DPYS: variants seen among roughly 807,000 people sequenced by gnomAD.
DPYS encodes the protein dihydropyrimidinase.
Under a neutral mutation model 50.3 loss-of-function variants are expected in DPYS, and 39 were observed. That is an observed-to-expected ratio of 0.78 (90% CI 0.60 to 1.01). The LOEUF is 1.01. Ranked by LOEUF, DPYS falls within the 50% of genes least tolerant of loss-of-function variation. The probability of loss-of-function intolerance (pLI) is 0.00; values close to 1 mark genes in which losing one functional copy is unlikely to be tolerated. For synonymous variants in DPYS, 245 were observed against 250.7 expected (o/e 0.98, Z 0.22); for missense variants, 659 against 680.9 (o/e 0.97, Z 0.36).
Position 104,440,614 on chromosome 8 carries a change from C to G in DPYS, c.793+3634G>C, listed in dbSNP as rs148649043. Among the ~76,000 whole-genome samples the G allele has an allele frequency of 6.6e-5, 10 of 152,184 alleles. No homozygotes were observed. In the East Asian group the frequency reaches 1.9e-3, roughly 29 times the overall value. On this transcript the variant is annotated intron_variant, in intron 4 of 9. Coordinates refer to ENST00000351513, the MANE Select transcript of DPYS (RefSeq NM_001385.3). ...TCTACTAAAAATACAAAAAAATTAG[C>G]TGGGCATAGTAGTGGGAGCCTGTAA...
intron 5 of DPYS, 65 bp downstream of exon 5, chr8:104,429,480 C>T (rs992320343): frequency 5.6e-5 from 90 of 1,606,618 alleles, no homozygotes; most frequent in Admixed American, 8.3e-5. Context: ...GATGGGAGGA[C>T]GAGCTCCCTT....
At chr8:104,406,055 C>G (rs556980702) in intron 7 of DPYS, among the ~76,000 whole-genome samples, 6 of 152,182 alleles carry the variant, frequency 3.9e-5, no homozygotes, top group Non-Finnish European at 8.8e-5. Context: ...AGTAACTCCC[C>G]CTGGGTTACA....
intron 7 of DPYS, chr8:104,411,722 C>T (rs2140574461): frequency 6.6e-6 from 1 of 152,288 alleles, no homozygotes; most frequent in East Asian, 1.9e-4. Context: ...CAGCAATACC[C>T]CTCATGGGAG....
At position 104,424,293 on chromosome 8, in the gene DPYS, C is replaced by T. The variant is rs141867641; in HGVS notation, c.1189G>A (p.Val397Ile). 4 of 1,614,050 alleles carry T rather than the reference C, an allele frequency of 2.5e-6. No homozygotes were observed. The highest frequency in any genetic ancestry group is 3.4e-6 in the Non-Finnish European group (4 of 1,180,018). ...ATAACAATGTCAGCATCTGATCCTACAGCTATTCTTCCTTTTCTTGGATAG... is the reference window on the plus strand; with the variant it reads ...ATAACAATGTCAGCATCTGATCCTATAGCTATTCTTCCTTTTCTTGGATAG... ...NLYPRKGRIA[V>I]GSDADIVIWD... Residue 397 changes from valine (V) to isoleucine (I), a missense_variant, in exon 7 of 10, where the codon GTA (valine) becomes ATA (isoleucine). Val to Ile is a conservative substitution (Grantham distance 29). Coordinates refer to ENST00000351513, the MANE Select transcript of DPYS (RefSeq NM_001385.3).
intron 4 of DPYS, among the ~76,000 whole-genome samples, chr8:104,433,046 A>G (rs1340042396): frequency 2.0e-5 from 3 of 152,206 alleles, no homozygotes; most frequent in Non-Finnish European, 2.9e-5. Flanking sequence ...ATTTGGACAC[A>G]TAGAGGGGAA....
chr8:104,441,755 T>A (rs1295858814), intron 4 of DPYS, among the ~76,000 whole-genome samples: 2 of 152,324 alleles, frequency 1.3e-5, no homozygotes, highest in Non-Finnish European at 2.9e-5. Context: ...CAAATTGAAA[T>A]GGCATATGCG....
At chr8:104,419,662 A>G (rs934931989) in intron 7 of DPYS, 2 of 151,790 alleles carry the variant, frequency 1.3e-5, no homozygotes, top group African/African-American at 4.9e-5. Context: ...CCCGAAGCTT[A>G]TAATTAGAAA....
intron 7 of DPYS, among the ~76,000 whole-genome samples, chr8:104,395,429 C>T (rs1258122730): frequency 6.6e-6 from 1 of 152,180 alleles, no homozygotes; most frequent in Non-Finnish European, 1.5e-5. Context: ...AACAGTGATA[C>T]CACTACCCTA....
chr8:104,424,161 G>A (rs761864872), intron 7 of DPYS, 86 bp downstream of exon 7: 119 of 1,604,732 alleles, frequency 7.4e-5, no homozygotes, highest in Non-Finnish European at 9.8e-5. Context: ...AGGAGAAGCG[G>A]CTGATTAATG....
At chr8:104,413,039 T>C (rs1163852767) in intron 7 of DPYS, among the ~76,000 whole-genome samples, 1 of 152,116 alleles carries the variant, frequency 6.6e-6, no homozygotes, top group Non-Finnish European at 1.5e-5. Context: ...GCATTTCATA[T>C]AAAACAAACC....
intron 7 of DPYS, among the ~76,000 whole-genome samples, chr8:104,408,276 A>T: frequency 6.6e-6 from 1 of 152,252 alleles, no homozygotes; most frequent in East Asian, 1.9e-4. Context: ...TAACTGTAGC[A>T]TTTATTTCTC....
intron 4 of DPYS, among the ~76,000 whole-genome samples, chr8:104,436,884 G>A (rs1429362015): frequency 6.6e-6 from 1 of 151,788 alleles, no homozygotes; most frequent in Non-Finnish European, 1.5e-5. Flanking sequence ...TAAAAAGAAA[G>A]TAATGCATCT....
At chr8:104,400,185 TG>T (rs1811747750) in intron 7 of DPYS, among the ~76,000 whole-genome samples, 1 of 152,174 alleles carries the variant, frequency 6.6e-6, no homozygotes, top group Non-Finnish European at 1.5e-5. Context: ...GTGTTTTTAC[TG>T]AAGTGAGCAC....
chr8:104,446,308 C>T (rs536690391), intron 3 of DPYS, among the ~76,000 whole-genome samples: 3 of 152,256 alleles, frequency 2.0e-5, no homozygotes, highest in Admixed American at 6.5e-5. Context: ...TTTCTAATCA[C>T]ATTCTTTGAA....
At chr8:104,407,661 AAAC>A in intron 7 of DPYS, among the ~76,000 whole-genome samples, 1 of 152,364 alleles carries the variant, frequency 6.6e-6, no homozygotes. Flanking sequence ...GAGGAGAAGA[AAAC>A]AACGTTTGCC....
Position 104,422,627 on chromosome 8 carries a change from T to C in DPYS, c.1235+1620A>G, listed in dbSNP as rs566432230. Reference sequence around the variant, plus strand: ...TTACTGATGATTAACATTAGTATGATGCTCCCTGATGTTATGCTTCAAAAA... The same window carrying C: ...TTACTGATGATTAACATTAGTATGACGCTCCCTGATGTTATGCTTCAAAAA... On this transcript the variant is annotated intron_variant, in intron 7 of 9. Coordinates refer to ENST00000351513, the MANE Select transcript of DPYS (RefSeq NM_001385.3). 2.0e-4 allele frequency among the ~76,000 whole-genome samples: 31 copies of C among 152,390 alleles called. No homozygotes were observed. The South Asian group carries it at 6.2e-3, about 31-fold the overall frequency.
intron 7 of DPYS, among the ~76,000 whole-genome samples, chr8:104,405,629 C>G (rs1811970711): frequency 1.3e-5 from 2 of 152,226 alleles, no homozygotes; most frequent in Non-Finnish European, 2.9e-5. Context: ...ATGGTTTGAG[C>G]TTTGGCCAAT....
intron 7 of DPYS, 79 bp from the exon 8 acceptor site, chr8:104,393,070 G>T: frequency 7.2e-7 from 1 of 1,379,798 alleles, no homozygotes; most frequent in Non-Finnish European, 1.0e-6. Context: ...AAAGAAGAAT[G>T]ACTTAGAAGA....
intron 4 of DPYS, among the ~76,000 whole-genome samples, chr8:104,441,316 C>T (rs1349405915): frequency 3.3e-5 from 5 of 152,186 alleles, no homozygotes; most frequent in Non-Finnish European, 7.3e-5. Context: ...AGCAATCCCA[C>T]TTCTAGGAAT....
Sources: gnomAD v4.1 joint callset for allele counts (sites outside exome capture counted in the v4.1 genomes callset) on GRCh38, gnomAD v4.1.1 for gene constraint, MANE v1.5 for transcripts, NCBI Gene and HGNC (gene_info 2026-07-23, HGNC 2026-07-21) for gene names.